The following NT5DC1 variants were observed in gnomAD, a reference collection of about 807,000 sequenced individuals.
NT5DC1 encodes the protein 5'-nucleotidase domain containing 1.
A neutral mutation model predicts 59.4 loss-of-function variants in NT5DC1; 42 were observed. That is an observed-to-expected ratio of 0.71 (90% CI 0.55 to 0.92). NT5DC1 has a LOEUF of 0.92. Ranked by LOEUF, NT5DC1 falls within the 40% of genes least tolerant of loss-of-function variation. The pLI is 0.00. For missense variants in NT5DC1, 501 were observed against 537.1 expected, an observed-to-expected ratio of 0.93 and a Z score of 0.66; for synonymous variants, 172 against 188.1, an observed-to-expected ratio of 0.91 and a Z score of 0.70.
intron 4 of NT5DC1, among the ~76,000 whole-genome samples, chr6:116,113,755 C>G (rs1336725171): frequency 6.6e-6 from 1 of 152,156 alleles, no homozygotes; most frequent in Non-Finnish European, 1.5e-5. Context: ...ATCAATAGTT[C>G]AACTCTTAGA....
At chr6:116,110,199 A>G (rs2114902502) in intron 3 of NT5DC1, among the ~76,000 whole-genome samples, 1 of 152,358 alleles carries the variant, frequency 6.6e-6, no homozygotes, top group South Asian at 2.1e-4. Flanking sequence ...GGGAACTACC[A>G]TATTTCTCTG....
intron 6 of NT5DC1, chr6:116,120,404 A>T (rs776596664): frequency 6.2e-7 from 1 of 1,614,232 alleles, no homozygotes; most frequent in South Asian, 1.1e-5. Flanking sequence ...AATTTTATCA[A>T]ATGGTATGGG....
At chr6:116,181,779 A>T (rs1034045191) in intron 6 of NT5DC1, among the ~76,000 whole-genome samples, 4 of 152,090 alleles carry the variant, frequency 2.6e-5, no homozygotes, top group Non-Finnish European at 4.4e-5. Context: ...TGGGAGCTAT[A>T]TTATGTTCCT....
At chr6:116,165,090 C>G (rs1780431972) in intron 6 of NT5DC1, among the ~76,000 whole-genome samples, 1 of 94,420 alleles carries the variant, frequency 1.1e-5, no homozygotes, top group Non-Finnish European at 2.0e-5. Flanking sequence ...GAGCGAGACT[C>G]CGTCTCAGAA....
At chr6:116,190,124 A>G (rs566651898) in intron 6 of NT5DC1, among the ~76,000 whole-genome samples, 1 of 152,026 alleles carries the variant, frequency 6.6e-6, no homozygotes, top group African/African-American at 2.4e-5. Flanking sequence ...GATATTACAT[A>G]AGATGTAATA....
rs536388997 is a variant in NT5DC1, at chr6:116,192,679, G to GT, written c.530-28371dup. Among the ~76,000 whole-genome samples, 521 of 152,128 alleles carry GT rather than the reference G, an allele frequency of 3.4e-3. 15 individuals carry two copies. The South Asian group carries it at 0.046, about 14-fold the overall frequency. On this transcript the variant is annotated intron_variant, in intron 6 of 11. Transcript: ENST00000319550. ...CAAAACTTTGTAACTGAATTTTGAG[G>GT]TTTTGCCTTATACCTGTATAGAGAG... is the stretch of plus-strand genomic sequence containing the variant.
intron 5 of NT5DC1, 81 bp downstream of exon 5, chr6:116,115,851 T>A (rs1778953906): frequency 1.5e-6 from 1 of 677,818 alleles, no homozygotes; most frequent in Non-Finnish European, 2.6e-6. Context: ...TGCTTCTGAG[T>A]TGTGATTTTG....
rs1458477921 is a variant in NT5DC1 at position 116,245,690 on chromosome 6, ATC to A, written c.*1667_*1668del. On this transcript the variant is annotated 3_prime_UTR_variant, in exon 12 of 12. Coordinates refer to ENST00000319550, the MANE Select transcript of NT5DC1 (RefSeq NM_152729.3). ...TTTAAAAATAAAGCTATCTTTCCTT[ATC>A]CATGTTTACTCTGTAAATGGCAAAT... is the stretch of plus-strand genomic sequence containing the variant. The A allele has an allele frequency of 6.6e-6, 1 of 152,170 alleles. No homozygotes were observed. The highest frequency in any genetic ancestry group is 1.5e-5 in the Non-Finnish European group (1 of 68,006). The allele number at this position is 152,170 out of a possible 1,614,324, so 9.4% of individuals were successfully genotyped here. A position where few individuals can be genotyped will look rare whatever the true frequency, so the allele number is the denominator to read the frequency against.
At chr6:116,208,037 G>A (rs941390661) in intron 6 of NT5DC1, among the ~76,000 whole-genome samples, 9 of 151,744 alleles carry the variant, frequency 5.9e-5, no homozygotes, top group Non-Finnish European at 1.0e-4. Flanking sequence ...CAGGTCTTTC[G>A]TTTGTTAAAT....
At chr6:116,233,824 ATTAAT>A (rs961447330) in intron 8 of NT5DC1, among the ~76,000 whole-genome samples, 1 of 152,134 alleles carries the variant, frequency 6.6e-6, no homozygotes, top group Non-Finnish European at 1.5e-5. Flanking sequence ...TTTTATCTGT[ATTAAT>A]TTATTTACAC....
At chr6:116,190,027 G>A (rs958456270) in intron 6 of NT5DC1, among the ~76,000 whole-genome samples, 1 of 151,942 alleles carries the variant, frequency 6.6e-6, no homozygotes, top group Admixed American at 6.6e-5. Context: ...AGTTTAATGT[G>A]GGCAGATTAT....
intron 8 of NT5DC1, among the ~76,000 whole-genome samples, chr6:116,233,399 C>G (rs966533528): frequency 3.3e-5 from 5 of 152,258 alleles, no homozygotes; most frequent in African/African-American, 9.6e-5. Context: ...ATTGTAACAG[C>G]ACTAAATTTG....
At chr6:116,125,189 T>C (rs1779257870) in intron 6 of NT5DC1, 1 of 799,850 alleles carries the variant, frequency 1.3e-6, no homozygotes, top group Non-Finnish European at 2.0e-6. Flanking sequence ...GTTCTACTTT[T>C]TTCACAGATC....
intron 6 of NT5DC1, among the ~76,000 whole-genome samples, chr6:116,149,386 G>A (rs577538185): frequency 1.3e-5 from 2 of 152,250 alleles, no homozygotes; most frequent in South Asian, 4.2e-4. Context: ...AATAGACAGT[G>A]TGTCTTTACC....
chr6:116,117,758 T>C, intron 5 of NT5DC1, 103 bp from the exon 6 acceptor site: 1 of 655,028 alleles, frequency 1.5e-6, no homozygotes, highest in South Asian at 1.9e-5. Flanking sequence ...AGTCTAACCA[T>C]CTTAAGTCAG....
chr6:116,223,767 G>A (rs1313370559), intron 8 of NT5DC1, among the ~76,000 whole-genome samples: 3 of 152,154 alleles, frequency 2.0e-5, no homozygotes, highest in Non-Finnish European at 4.4e-5. Flanking sequence ...TTCTATTTAA[G>A]TAGTTTCAAA....
chr6:116,192,749 T>C (rs572402982), intron 6 of NT5DC1, among the ~76,000 whole-genome samples: 11 of 152,234 alleles, frequency 7.2e-5, no homozygotes, highest in African/African-American at 2.6e-4. Flanking sequence ...TGAGTACTAA[T>C]ACTTTGTCTT....
chr6:116,111,170 T>C (rs1778868994), intron 4 of NT5DC1, among the ~76,000 whole-genome samples: 1 of 152,250 alleles, frequency 6.6e-6, no homozygotes, highest in Non-Finnish European at 1.5e-5. Flanking sequence ...GAAGATTTTA[T>C]TGGCACTCCT....
At chr6:116,178,899 AT>A (rs1780812252) in intron 6 of NT5DC1, among the ~76,000 whole-genome samples, 1 of 152,140 alleles carries the variant, frequency 6.6e-6, no homozygotes, top group South Asian at 2.1e-4. Flanking sequence ...CTTTTACTCG[AT>A]ATGCATTTCC....
Sources: gnomAD v4.1 joint callset for allele counts (sites outside exome capture counted in the v4.1 genomes callset) on GRCh38, gnomAD v4.1.1 for gene constraint, MANE v1.5 for transcripts, NCBI Gene and HGNC (gene_info 2026-07-23, HGNC 2026-07-21) for gene names.